ATP13A4: variants seen among roughly 807,000 people sequenced by gnomAD.
The protein encoded by ATP13A4 is probable cation-transporting ATPase 13A4.
ATP13A4 carries 114 observed loss-of-function variants against 142.5 expected under a neutral mutation model. That is an observed-to-expected ratio of 0.80 (90% CI 0.69 to 0.93). The LOEUF (loss-of-function observed/expected upper bound fraction) is 0.93. Ranked by LOEUF, ATP13A4 falls within the 40% of genes least tolerant of loss-of-function variation. The pLI is 0.00. For missense variants in ATP13A4, 1,392 were observed against 1,454.0 expected (o/e 0.96, Z 0.69); for synonymous variants, 488 against 514.8 (o/e 0.95, Z 0.70).
intron 1 of ATP13A4, among the ~76,000 whole-genome samples, chr3:193,521,400 T>C (rs1721708341): frequency 6.6e-6 from 1 of 151,764 alleles, no homozygotes; most frequent in South Asian, 2.1e-4. Flanking sequence ...GAAAGGAGAG[T>C]AGGAAAGGGC....
At chr3:193,547,905 C>T (rs1032911665) in intron 1 of ATP13A4, among the ~76,000 whole-genome samples, 2 of 152,180 alleles carry the variant, frequency 1.3e-5, no homozygotes. Context: ...CACGGCCACT[C>T]GATTGTGAGC....
In ATP13A4 at chr3:193,402,425, T is replaced by C. The variant is rs536614528; in HGVS notation, c.*227A>G. ...ATTCTTGGCCCATTCTTGCCTTCAC[T>C]GAATGCCTCTAATACCTTCAGAAGC... On this transcript the variant is annotated 3_prime_UTR_variant, in exon 30 of 30. Coordinates refer to ENST00000342695, the MANE Select transcript of ATP13A4 (RefSeq NM_032279.4). The C allele has an allele frequency of 5.8e-6, 3 of 514,756 alleles. No homozygotes were observed. In the East Asian group the frequency reaches 1.1e-4, roughly 18 times the overall value. The allele number at this position is 514,756 out of a possible 1,614,324, so 31.9% of individuals were successfully genotyped here. A position where few individuals can be genotyped will look rare whatever the true frequency, so the allele number is the denominator to read the frequency against.
chr3:193,421,033 T>C (rs914150114), intron 25 of ATP13A4, among the ~76,000 whole-genome samples: 1 of 149,870 alleles, frequency 6.7e-6, no homozygotes, highest in African/African-American at 2.5e-5. Context: ...TTCTAAGTCC[T>C]ACAAGAAATA....
upstream of ATP13A4, among the ~76,000 whole-genome samples, chr3:193,559,661 G>C (rs1209906660): frequency 6.6e-6 from 1 of 152,208 alleles, no homozygotes; most frequent in Non-Finnish European, 1.5e-5. Flanking sequence ...CAGAAGAAAA[G>C]AGCAGGCTGA....
chr3:193,423,432 A>G (rs2108611043), intron 25 of ATP13A4, among the ~76,000 whole-genome samples: 1 of 149,794 alleles, frequency 6.7e-6, no homozygotes, highest in Non-Finnish European at 1.5e-5. Context: ...GTAAAAAAAA[A>G]TCCTCAGCAA....
At chr3:193,473,791 T>C (rs1034805625) in intron 8 of ATP13A4, among the ~76,000 whole-genome samples, 2 of 152,112 alleles carry the variant, frequency 1.3e-5, no homozygotes, top group African/African-American at 4.8e-5. Context: ...GGACATTCTA[T>C]AAAATAACCA....
At chr3:193,435,549 T>A in intron 24 of ATP13A4, 99 bp downstream of exon 24, 2 of 951,948 alleles carry the variant, frequency 2.1e-6, no homozygotes, top group East Asian at 4.8e-5. Context: ...TGTTCAGATA[T>A]CCTATTTGTA....
At chr3:193,500,427 G>A (rs1470379651) in intron 3 of ATP13A4, among the ~76,000 whole-genome samples, 1 of 152,038 alleles carries the variant, frequency 6.6e-6, no homozygotes, top group African/African-American at 2.4e-5. Context: ...TTAAACCAGC[G>A]ATCTCCAACC....
intron 17 of ATP13A4, among the ~76,000 whole-genome samples, chr3:193,451,880 T>C (rs1401092883): frequency 6.6e-6 from 1 of 152,210 alleles, no homozygotes; most frequent in Non-Finnish European, 1.5e-5. Context: ...TTTAGCTGTG[T>C]GTATGCATGG....
chr3:193,573,308 C>CGTATATATATATATATTCATATATATAT (rs1229145689), intron 2 of ATP13A4, among the ~76,000 whole-genome samples: 1 of 103,674 alleles, frequency 9.6e-6, no homozygotes, highest in Non-Finnish European at 1.8e-5. Context: ...TATATATATA[C>CGTATATATATATATATTCATATATATAT]ATATATATAT....
At chr3:193,587,345 C>T (rs1272732562) in intron 1 of ATP13A4, among the ~76,000 whole-genome samples, 1 of 152,250 alleles carries the variant, frequency 6.6e-6, no homozygotes, top group Non-Finnish European at 1.5e-5. Flanking sequence ...CATTCCTTGG[C>T]TTACGCCTAC....
At chr3:193,545,175 A>T (rs1723151277) in intron 1 of ATP13A4, among the ~76,000 whole-genome samples, 1 of 152,162 alleles carries the variant, frequency 6.6e-6, no homozygotes, top group Non-Finnish European at 1.5e-5. Flanking sequence ...AACATGAAGC[A>T]TTTTTCACAA....
chr3:193,589,971 A>T (rs911922647), intron 1 of ATP13A4, among the ~76,000 whole-genome samples: 2 of 151,964 alleles, frequency 1.3e-5, no homozygotes, highest in Non-Finnish European at 2.9e-5. Context: ...AAAAAAAAAA[A>T]AAAAAAAGCT....
intron 16 of ATP13A4, 117 bp downstream of exon 16, chr3:193,456,883 T>G: frequency 2.6e-4 from 321 of 1,258,774 alleles, no homozygotes; most frequent in Non-Finnish European, 3.3e-4. Context: ...GGAATGCCAG[T>G]GAGCCACCCA....
At chr3:193,444,052 G>C (rs1211534186) in intron 18 of ATP13A4, among the ~76,000 whole-genome samples, 22 of 152,052 alleles carry the variant, frequency 1.4e-4, no homozygotes, top group Non-Finnish European at 5.9e-5. Context: ...TCCCAAGTAT[G>C]ATAAAAGACT....
At chr3:193,418,490 C>T (rs1879548) in intron 25 of ATP13A4, among the ~76,000 whole-genome samples, 5,205 of 149,450 alleles carry the variant, frequency 0.035, 299 homozygotes, top group Middle Eastern at 0.075. Context: ...CTGTAGAGCA[C>T]AGAAAACCAG....
intron 25 of ATP13A4, among the ~76,000 whole-genome samples, chr3:193,417,919 G>A (rs1285983842): frequency 2.0e-5 from 3 of 146,668 alleles, no homozygotes; most frequent in South Asian, 4.3e-4. Context: ...TCAGGAGATC[G>A]AGACCATCCC....
intron 18 of ATP13A4, among the ~76,000 whole-genome samples, chr3:193,444,449 G>C (rs538303811): frequency 9.9e-5 from 15 of 152,248 alleles, no homozygotes; most frequent in Non-Finnish European, 1.6e-4. Context: ...AAAGCTACAG[G>C]GTTCTTCAGG....
chr3:193,570,370 G>A (rs1456277163), intron 2 of ATP13A4, among the ~76,000 whole-genome samples: 2 of 152,016 alleles, frequency 1.3e-5, no homozygotes, highest in Non-Finnish European at 2.9e-5. Flanking sequence ...CTAAATTGTT[G>A]TTTTCCTATG....
Sources: gnomAD v4.1 joint callset for allele counts (sites outside exome capture counted in the v4.1 genomes callset) on GRCh38, gnomAD v4.1.1 for gene constraint, MANE v1.5 for transcripts, NCBI Gene and HGNC (gene_info 2026-07-23, HGNC 2026-07-21) for gene names.